Variants in XNDC1N observed in about 807,000 individuals in gnomAD.
The protein encoded by XNDC1N is XRCC1 N-terminal domain containing 1, N-terminal like.
the XNDC1N span, among the ~76,000 whole-genome samples, chr11:71,873,422 T>C: frequency 1.3e-5 from 2 of 152,222 alleles, no homozygotes; most frequent in Non-Finnish European, 2.9e-5. Flanking sequence ...AATTTGGGAA[T>C]ATATCTTATT....
chr11:71,881,990 C>T, the XNDC1N span, among the ~76,000 whole-genome samples: 1 of 151,834 alleles, frequency 6.6e-6, no homozygotes, highest in Admixed American at 6.6e-5. Flanking sequence ...ACAAAATCTA[C>T]ATATCTAGGA....
chr11:71,878,159 G>T, the XNDC1N span, among the ~76,000 whole-genome samples: 1 of 152,148 alleles, frequency 6.6e-6, no homozygotes, highest in Non-Finnish European at 1.5e-5. Context: ...CCTCCAGAAT[G>T]CATAAGACAA....
chr11:71,891,891 CAG>C, the XNDC1N span, among the ~76,000 whole-genome samples: 1 of 151,822 alleles, frequency 6.6e-6, no homozygotes, highest in Non-Finnish European at 1.5e-5. Context: ...TGTTTACAAA[CAG>C]GGGTGGTGTA....
At chr11:71,893,358 G>A in the XNDC1N span, 29 of 618,320 alleles carry the variant, frequency 4.7e-5, no homozygotes, top group Non-Finnish European at 7.2e-5. Context: ...TGTATGGTCC[G>A]CAAGTGTCAA....
At chr11:71,909,731 C>T in the XNDC1N span, among the ~76,000 whole-genome samples, 2 of 152,182 alleles carry the variant, frequency 1.3e-5, no homozygotes, top group Non-Finnish European at 2.9e-5. Context: ...TTCTGCTTGT[C>T]TCAGACTTGT....
At chr11:71,885,810 T>C in the XNDC1N span, among the ~76,000 whole-genome samples, 1 of 151,892 alleles carries the variant, frequency 6.6e-6, no homozygotes, top group Non-Finnish European at 1.5e-5. Flanking sequence ...GAGCTAATAT[T>C]ACTGTTTTCT....
chr11:71,925,635 A>T, the XNDC1N span, among the ~76,000 whole-genome samples: 1 of 152,176 alleles, frequency 6.6e-6, no homozygotes, highest in Non-Finnish European at 1.5e-5. Context: ...TAAAAATAAG[A>T]CATAGTCTCT....
the XNDC1N span, among the ~76,000 whole-genome samples, chr11:71,905,006 G>A: frequency 6.6e-6 from 1 of 152,028 alleles, no homozygotes; most frequent in African/African-American, 2.4e-5. Context: ...ATCAGGGGGT[G>A]CACATACATT....
chr11:71,923,070 T>C, the XNDC1N span, among the ~76,000 whole-genome samples: 1 of 152,218 alleles, frequency 6.6e-6, no homozygotes, highest in Non-Finnish European at 1.5e-5. Context: ...CCCTTCAAAC[T>C]GGGCGGAATC....
the XNDC1N span, among the ~76,000 whole-genome samples, chr11:71,867,529 G>T: frequency 1.3e-5 from 2 of 152,194 alleles, no homozygotes; most frequent in African/African-American, 2.4e-5. Flanking sequence ...GGTTCCAGAT[G>T]CAGCCTCAAA....
At chr11:71,875,894 C>T in the XNDC1N span, among the ~76,000 whole-genome samples, 1 of 152,076 alleles carries the variant, frequency 6.6e-6, no homozygotes, top group African/African-American at 2.4e-5. Context: ...GGTGTGGTGG[C>T]ACACACCTGT....
the XNDC1N span, among the ~76,000 whole-genome samples, chr11:71,895,061 C>T: frequency 6.6e-6 from 1 of 151,842 alleles, no homozygotes; most frequent in African/African-American, 2.4e-5. Context: ...ATGATGAGGC[C>T]TGGGTCTCAA....
At chr11:71,919,704 G>A in the XNDC1N span, among the ~76,000 whole-genome samples, 2 of 145,730 alleles carry the variant, frequency 1.4e-5, no homozygotes, top group African/African-American at 2.6e-5. Flanking sequence ...TGCAAGCTCC[G>A]CCTCCCGGGT....
chr11:71,910,547 C>T, the XNDC1N span, among the ~76,000 whole-genome samples: 1 of 152,126 alleles, frequency 6.6e-6, no homozygotes, highest in African/African-American at 2.4e-5. Flanking sequence ...AGGTTGAGGA[C>T]CTTCTGCTGG....
the XNDC1N span, chr11:71,878,346 G>T: frequency 2.5e-6 from 3 of 1,192,340 alleles, no homozygotes; most frequent in South Asian, 2.7e-5. Context: ...GCTCCTGAAA[G>T]GTTCAATAAT....
the XNDC1N span, among the ~76,000 whole-genome samples, chr11:71,927,417 A>T: frequency 6.6e-6 from 1 of 152,060 alleles, no homozygotes; most frequent in Non-Finnish European, 1.5e-5. Flanking sequence ...GCTATTTGGG[A>T]GGCTGAGACA....
At chr11:71,898,328 C>T in the XNDC1N span, among the ~76,000 whole-genome samples, 5 of 152,134 alleles carry the variant, frequency 3.3e-5, no homozygotes, top group Non-Finnish European at 7.3e-5. Context: ...TAAACATGCC[C>T]AGTCTCAGTG....
chr11:71,923,426 G>A, the XNDC1N span: 4 of 698,046 alleles, frequency 5.7e-6, no homozygotes, highest in Non-Finnish European at 1.0e-5. Flanking sequence ...CACTACTTTG[G>A]CACTGACTAT....
chr11:71,909,606 T>G, the XNDC1N span, among the ~76,000 whole-genome samples: 1 of 152,200 alleles, frequency 6.6e-6, no homozygotes, highest in Non-Finnish European at 1.5e-5. Context: ...GTGGAGATAT[T>G]GACTTTCTTG....
Sources: allele counts gnomAD v4.1 joint callset (sites outside exome capture counted in the v4.1 genomes callset), GRCh38; gene constraint gnomAD v4.1.1; transcripts MANE v1.5; gene names NCBI Gene and HGNC (gene_info 2026-07-23, HGNC 2026-07-21).